PCDHAC1: variants seen among roughly 807,000 people sequenced by gnomAD.
The protein encoded by PCDHAC1 is protocadherin alpha subfamily C, 1.
PCDHAC1 carries 42 observed loss-of-function variants against 60.0 expected under a neutral mutation model. The ratio of observed to expected loss-of-function variants is 0.70; its 90% CI spans 0.55 to 0.90. The LOEUF (loss-of-function observed/expected upper bound fraction) is 0.90. PCDHAC1 is among the 40% of genes least tolerant of loss of function. The probability of loss-of-function intolerance (pLI) is 0.00; values close to 1 mark genes in which losing one functional copy is unlikely to be tolerated. For missense variants in PCDHAC1, 1,160 were observed against 1,222.3 expected, an observed-to-expected ratio of 0.95 and a Z score of 0.76; for synonymous variants, 468 against 499.3, an observed-to-expected ratio of 0.94 and a Z score of 0.84.
At chr5:141,005,978 G>C (rs1226619772) in intron 3 of PCDHAC1, among the ~76,000 whole-genome samples, 2 of 151,936 alleles carry the variant, frequency 1.3e-5, no homozygotes, top group African/African-American at 4.8e-5. Context: ...CAATTCCAAA[G>C]AGTGTTTGAG....
Position 140,999,523 on chromosome 5 carries a change from C to A in PCDHAC1, c.2582-10104C>A, listed in dbSNP as rs115576128. On this transcript the variant is annotated intron_variant, in intron 3 of 3. Coordinates refer to ENST00000253807, the MANE Select transcript of PCDHAC1 (RefSeq NM_018898.5). ...AACCTACATTTTAAGCATTTTGTTA[C>A]CCCCTGGATATGACAGCCAATGAAG... is the stretch of plus-strand genomic sequence containing the variant. Among the ~76,000 whole-genome samples, 464 of 152,142 alleles carry A rather than the reference C, an allele frequency of 3.0e-3. 6 individuals carry two copies. Among genetic ancestry groups the A allele is most frequent in the Middle Eastern group, 0.01 (3 of 294 alleles).
At chr5:140,994,704 CA>C (rs1294993555) in intron 3 of PCDHAC1, among the ~76,000 whole-genome samples, 1 of 150,730 alleles carries the variant, frequency 6.6e-6, no homozygotes, top group Non-Finnish European at 1.5e-5. Flanking sequence ...GACCCTGTCT[CA>C]AAAAAAAATT....
chr5:140,966,937 C>T (rs2096072123), intron 1 of PCDHAC1: 6 of 1,604,032 alleles, frequency 3.7e-6, no homozygotes, highest in Non-Finnish European at 5.1e-6. Flanking sequence ...CCGGCGCGCT[C>T]GTGGGCAACG....
chr5:140,963,927 T>C (rs1439271741), intron 1 of PCDHAC1, among the ~76,000 whole-genome samples: 1 of 152,220 alleles, frequency 6.6e-6, no homozygotes, highest in East Asian at 1.9e-4. Context: ...AAGTAACATG[T>C]CCATAGCCAA....
chr5:140,980,015 G>A (rs1164072132), intron 2 of PCDHAC1, among the ~76,000 whole-genome samples: 2 of 152,192 alleles, frequency 1.3e-5, no homozygotes, highest in East Asian at 3.9e-4. Flanking sequence ...CATTACAAAT[G>A]AGCAGAAATC....
chr5:140,993,891 C>G (rs2097585722), intron 3 of PCDHAC1, among the ~76,000 whole-genome samples: 1 of 152,096 alleles, frequency 6.6e-6, no homozygotes. Flanking sequence ...CTATGATGTC[C>G]ATACAACAAA....
At chr5:140,978,462 G>T (rs939639463) in intron 1 of PCDHAC1, among the ~76,000 whole-genome samples, 3 of 152,222 alleles carry the variant, frequency 2.0e-5, no homozygotes, top group Admixed American at 1.3e-4. Flanking sequence ...TCCGCCCTGG[G>T]TCAAATATGC....
rs1261636098 is a variant in PCDHAC1, at chr5:140,968,913, C to G, written c.2434-10036C>G. 6.8e-6 allele frequency: 11 copies of G among 1,614,036 alleles called. No homozygotes were observed. Among genetic ancestry groups the G allele is most frequent in the Non-Finnish European group, 8.5e-6 (10 of 1,180,044 alleles). On this transcript the variant is annotated intron_variant, in intron 1 of 3. Transcript: ENST00000253807. ...CTAATAATAGCATTAAGCACAGTGT[C>G]TTTTATATTTCTTTTGACAATCATC...
In PCDHAC1 at chr5:140,967,846, C is replaced by T. The variant is rs151021111; in HGVS notation, c.2434-11103C>T. ...TGGTGGACATCGTGGACGTGAATGA[C>T]AATGCCCCAGAGGTGGTGCTCACGG... On this transcript the variant is annotated intron_variant, in intron 1 of 3. Coordinates refer to ENST00000253807, the MANE Select transcript of PCDHAC1 (RefSeq NM_018898.5). 708 of 1,614,166 alleles carry T rather than the reference C, an allele frequency of 4.4e-4. 2 individuals are homozygous for T. Among genetic ancestry groups the T allele is most frequent in the Middle Eastern group, 2.8e-3 (17 of 6,062 alleles).
intron 1 of PCDHAC1, among the ~76,000 whole-genome samples, chr5:140,959,119 G>A (rs576475580): frequency 3.3e-5 from 5 of 152,160 alleles, no homozygotes; most frequent in East Asian, 3.9e-4. Context: ...GAAGGTGGGC[G>A]AGGTGAGCCC....
chr5:140,982,420 G>A, intron 2 of PCDHAC1, 55 bp from the exon 3 acceptor site: 1 of 1,611,062 alleles, frequency 6.2e-7, no homozygotes, highest in Non-Finnish European at 8.5e-7. Context: ...GGTGGAAGAA[G>A]AGATGGGAAA....
chr5:140,939,900 A>G (rs916984176), intron 1 of PCDHAC1, among the ~76,000 whole-genome samples: 5 of 152,150 alleles, frequency 3.3e-5, no homozygotes, highest in Admixed American at 3.3e-4. Flanking sequence ...AATATTCTGC[A>G]TTCTTTTTTA....
intron 1 of PCDHAC1, among the ~76,000 whole-genome samples, chr5:140,946,079 G>A (rs2093884371): frequency 6.6e-6 from 1 of 151,926 alleles, no homozygotes; most frequent in African/African-American, 2.4e-5. Context: ...GCAAACCACA[G>A]ATCTGATAAG....
intron 1 of PCDHAC1, chr5:140,967,146 AC>A: frequency 6.2e-7 from 1 of 1,610,972 alleles, no homozygotes; most frequent in Non-Finnish European, 8.5e-7. Context: ...CTGGCGCACA[AC>A]CCCGTGGCGG....
intron 1 of PCDHAC1, among the ~76,000 whole-genome samples, chr5:140,970,714 A>C (rs1554232672): frequency 6.6e-6 from 1 of 152,220 alleles, no homozygotes; most frequent in Non-Finnish European, 1.5e-5. Flanking sequence ...CAATGTGTGA[A>C]CAATATTTGT....
chr5:140,980,598 C>G (rs574589264), intron 2 of PCDHAC1, among the ~76,000 whole-genome samples: 1 of 152,152 alleles, frequency 6.6e-6, no homozygotes, highest in South Asian at 2.1e-4. Flanking sequence ...CCACTGCACT[C>G]CAGCCTGGCG....
rs1554203262 is a variant in PCDHAC1, at chr5:140,926,301, C to T, written c.-592C>T. 6.6e-6 allele frequency: 1 copy of T among 152,336 alleles called. No homozygotes were observed. Among genetic ancestry groups the T allele is most frequent in the Non-Finnish European group, 1.5e-5 (1 of 68,134 alleles). The allele number at this position is 152,336 out of a possible 1,614,324, so 9.4% of individuals were successfully genotyped here. ...GCAGCTCCACGCTGAGTCCCGCCCT[C>T]TCCGCCGGAGAGGTGCGCCGGGGTC... On this transcript the variant is annotated 5_prime_UTR_variant, in exon 1 of 4. Coordinates refer to ENST00000253807, the MANE Select transcript of PCDHAC1 (RefSeq NM_018898.5).
intron 3 of PCDHAC1, among the ~76,000 whole-genome samples, chr5:140,992,959 T>A (rs1262703040): frequency 6.6e-6 from 1 of 152,206 alleles, no homozygotes; most frequent in Non-Finnish European, 1.5e-5. Context: ...TCACCCCTTA[T>A]ACTGCTGACA....
intron 1 of PCDHAC1, among the ~76,000 whole-genome samples, chr5:140,931,209 A>G (rs1554208285): frequency 6.6e-6 from 1 of 152,184 alleles, no homozygotes; most frequent in African/African-American, 2.4e-5. Flanking sequence ...CTAGTATTTC[A>G]GGTATCAGAG....
Sources: allele counts gnomAD v4.1 joint callset (sites outside exome capture counted in the v4.1 genomes callset), GRCh38; gene constraint gnomAD v4.1.1; transcripts MANE v1.5; gene names NCBI Gene and HGNC (gene_info 2026-07-23, HGNC 2026-07-21).